The following KSR2 variants were observed in gnomAD, a reference collection of about 807,000 sequenced individuals.
KSR2 encodes kinase suppressor of ras 2.
In KSR2, 25 loss-of-function variants were observed where a neutral mutation model predicts 107.8. The observed-to-expected ratio is 0.23, with a 90% CI of 0.17 to 0.32. The LOEUF is 0.32. Ranked by LOEUF, KSR2 falls within the 10% of genes least tolerant of loss-of-function variation. KSR2 has a pLI of 1.00. For synonymous variants in KSR2, 480 were observed against 507.0 expected, an observed-to-expected ratio of 0.95 and a Z score of 0.71; for missense variants, 887 against 1,268.9, an observed-to-expected ratio of 0.70 and a Z score of 4.57.
chr12:117,560,908 A>G (rs1466887560), intron 7 of KSR2, among the ~76,000 whole-genome samples: 1 of 152,196 alleles, frequency 6.6e-6, no homozygotes, highest in Admixed American at 6.5e-5. Flanking sequence ...AGACCTTACC[A>G]GAAGCCAACA....
chr12:117,559,855 A>G (rs758811297), intron 7 of KSR2, among the ~76,000 whole-genome samples: 3 of 152,162 alleles, frequency 2.0e-5, no homozygotes, highest in Non-Finnish European at 4.4e-5. Flanking sequence ...TAAGTGCCCC[A>G]TTCGTATCCC....
At chr12:117,497,896 G>A (rs577009752) in intron 14 of KSR2, among the ~76,000 whole-genome samples, 10 of 152,294 alleles carry the variant, frequency 6.6e-5, no homozygotes, top group Admixed American at 2.0e-4. Context: ...GCACAAGTGC[G>A]TGTGATTTTA....
chr12:117,765,126 G>A (rs1356223415), intron 3 of KSR2, among the ~76,000 whole-genome samples: 2 of 152,248 alleles, frequency 1.3e-5, no homozygotes, highest in African/African-American at 4.8e-5. Context: ...AGCCAGAACA[G>A]AACAGAGAAT....
At chr12:117,892,259 G>A (rs937376735) in intron 1 of KSR2, among the ~76,000 whole-genome samples, 3 of 150,560 alleles carry the variant, frequency 2.0e-5, no homozygotes, top group Non-Finnish European at 4.4e-5. Flanking sequence ...AGCTGAGATC[G>A]CGCCACTGCA....
chr12:117,887,165 CCTTCTA>C (rs1894201601), intron 1 of KSR2, among the ~76,000 whole-genome samples: 1 of 152,138 alleles, frequency 6.6e-6, no homozygotes, highest in African/African-American at 2.4e-5. Context: ...CTCAAGTGAT[CCTTCTA>C]CTTCAGCCTC....
At chr12:117,605,512 T>G (rs1374990742) in intron 5 of KSR2, among the ~76,000 whole-genome samples, 3 of 152,216 alleles carry the variant, frequency 2.0e-5, no homozygotes, top group Middle Eastern at 3.2e-3. Flanking sequence ...AAGCCTAGCA[T>G]GCATTAGCTA....
chr12:117,806,779 G>A (rs1187762012), intron 3 of KSR2, among the ~76,000 whole-genome samples: 1 of 152,138 alleles, frequency 6.6e-6, no homozygotes, highest in Non-Finnish European at 1.5e-5. Context: ...TTTTGTGTCT[G>A]GCTTTTTTCA....
At chr12:117,515,971 G>T (rs933684633) in intron 14 of KSR2, among the ~76,000 whole-genome samples, 1 of 152,142 alleles carries the variant, frequency 6.6e-6, no homozygotes, top group Non-Finnish European at 1.5e-5. Context: ...AGACAGAGAT[G>T]GGAGAAGCTG....
intron 4 of KSR2, among the ~76,000 whole-genome samples, chr12:117,680,622 A>G (rs1285184488): frequency 6.6e-6 from 1 of 152,230 alleles, no homozygotes; most frequent in Admixed American, 6.5e-5. Flanking sequence ...GTGCTTAGCA[A>G]AAGACTGGAG....
intron 10 of KSR2, 80 bp downstream of exon 10, chr12:117,539,639 C>A: frequency 5.9e-6 from 8 of 1,353,476 alleles, no homozygotes; most frequent in Non-Finnish European, 7.9e-6. Flanking sequence ...TGCATCAGGG[C>A]TCTGGCATGA....
intron 3 of KSR2, among the ~76,000 whole-genome samples, chr12:117,778,304 C>T (rs1452095879): frequency 1.1e-4 from 17 of 152,104 alleles, no homozygotes; most frequent in Admixed American, 1.1e-3. Context: ...TTGGCCAGGC[C>T]GGTCTCAAAC....
At chr12:117,589,566 T>G (rs568345711) in intron 5 of KSR2, among the ~76,000 whole-genome samples, 2 of 152,130 alleles carry the variant, frequency 1.3e-5, no homozygotes, top group Non-Finnish European at 2.9e-5. Flanking sequence ...AGCAAATTCA[T>G]TGGGCCTAAA....
At chr12:117,833,138 C>G (rs1056201227) in intron 3 of KSR2, among the ~76,000 whole-genome samples, 1 of 152,188 alleles carries the variant, frequency 6.6e-6, no homozygotes, top group African/African-American at 2.4e-5. Flanking sequence ...GCGGCCTTTG[C>G]TAGGCCCAGG....
chr12:117,963,253 A>C (rs1184105149), intron 1 of KSR2, among the ~76,000 whole-genome samples: 1 of 151,984 alleles, frequency 6.6e-6, no homozygotes, highest in East Asian at 1.9e-4. Flanking sequence ...TACATGCTAC[A>C]GCACAGAGTC....
At chr12:117,548,501 CAT>C (rs1354552541) in intron 9 of KSR2, among the ~76,000 whole-genome samples, 2 of 152,084 alleles carry the variant, frequency 1.3e-5, no homozygotes, top group Non-Finnish European at 1.5e-5. Context: ...GCATATAAGA[CAT>C]AGAACATACA....
rs143715677 is a variant in KSR2, at chr12:117,634,839, G to T, written c.1171+32635C>A. 8.5e-5 allele frequency among the ~76,000 whole-genome samples: 13 copies of T among 152,312 alleles called. No homozygotes were observed. In the East Asian group the frequency reaches 2.5e-3, roughly 29 times the overall value. Reference sequence around the variant, plus strand: ...CATATTCATCTTCCTGGGAAACAGAGTTGGGTCCAGAAGGCAGACCCTCTG... The same window carrying T: ...CATATTCATCTTCCTGGGAAACAGATTTGGGTCCAGAAGGCAGACCCTCTG... On this transcript the variant is annotated intron_variant, in intron 5 of 19. Coordinates refer to ENST00000339824, the MANE Select transcript of KSR2 (RefSeq NM_173598.6).
intron 5 of KSR2, among the ~76,000 whole-genome samples, chr12:117,622,679 G>A (rs1380643307): frequency 1.3e-5 from 2 of 152,074 alleles, no homozygotes; most frequent in African/African-American, 4.8e-5. Context: ...GATCCACTCT[G>A]TGCCATAAAG....
chr12:117,881,712 C>G (rs1894032796), intron 1 of KSR2, among the ~76,000 whole-genome samples: 1 of 152,204 alleles, frequency 6.6e-6, no homozygotes, highest in Non-Finnish European at 1.5e-5. Flanking sequence ...TGGACAACAG[C>G]AGAGCTGACC....
chr12:117,558,731 TG>T (rs1192871267), intron 7 of KSR2, among the ~76,000 whole-genome samples, 158 bp from the exon 8 acceptor site: 5 of 132,782 alleles, frequency 3.8e-5, no homozygotes, highest in Non-Finnish European at 7.7e-5. Flanking sequence ...AGTAGATGAA[TG>T]GGTGAATGGA....
Sources: gnomAD v4.1 joint callset for allele counts (sites outside exome capture counted in the v4.1 genomes callset) on GRCh38, gnomAD v4.1.1 for gene constraint, MANE v1.5 for transcripts, NCBI Gene and HGNC (gene_info 2026-07-23, HGNC 2026-07-21) for gene names.